The following NTM variants were observed in gnomAD, a reference collection of about 807,000 sequenced individuals.
The protein encoded by NTM is IgLON family member 2.
In NTM, 13 loss-of-function variants were observed where a neutral mutation model predicts 42.1. The observed-to-expected ratio is 0.31, with a 90% CI of 0.20 to 0.49. The LOEUF is 0.49. Ranked by LOEUF, NTM falls within the 20% of genes least tolerant of loss-of-function variation. The pLI is 0.99. For missense variants in NTM, 373 were observed against 452.8 expected (o/e 0.82, Z 1.60); for synonymous variants, 187 against 179.2 (o/e 1.04, Z -0.35).
intron 1 of NTM, among the ~76,000 whole-genome samples, chr11:131,413,276 G>A (rs1487493413): frequency 1.3e-5 from 2 of 152,212 alleles, no homozygotes; most frequent in Non-Finnish European, 2.9e-5. Flanking sequence ...AAATATTTAT[G>A]TATTGAAAGC....
intron 2 of NTM, among the ~76,000 whole-genome samples, chr11:132,046,713 T>G (rs1239233332): frequency 6.6e-6 from 1 of 152,158 alleles, no homozygotes; most frequent in East Asian, 1.9e-4. Flanking sequence ...GGGCAGCATG[T>G]AGGATGGATA....
intron 7 of NTM, among the ~76,000 whole-genome samples, chr11:132,319,674 T>G (rs962670613): frequency 6.6e-6 from 1 of 152,274 alleles, no homozygotes; most frequent in African/African-American, 2.4e-5. Flanking sequence ...TGCCTGCCTC[T>G]GTAGGCTCCA....
intron 2 of NTM, among the ~76,000 whole-genome samples, chr11:131,975,477 C>T (rs890702231): frequency 1.3e-5 from 2 of 151,934 alleles, no homozygotes; most frequent in Non-Finnish European, 2.9e-5. Context: ...TGCGCCTGGC[C>T]GAATCTTGCC....
intron 1 of NTM, among the ~76,000 whole-genome samples, chr11:131,400,582 C>T (rs929835102): frequency 1.3e-5 from 2 of 152,102 alleles, no homozygotes; most frequent in African/African-American, 4.8e-5. Context: ...TAATTAAAGT[C>T]CAGAATAGAT....
chr11:131,704,781 C>T (rs78760500), intron 1 of NTM, among the ~76,000 whole-genome samples: 2,701 of 152,076 alleles, frequency 0.018, 75 homozygotes, highest in African/African-American at 0.06. Context: ...AAAAAGAAAC[C>T]ATTTTAAAAA....
At chr11:132,239,518 T>C (rs897741291) in intron 4 of NTM, among the ~76,000 whole-genome samples, 1 of 152,220 alleles carries the variant, frequency 6.6e-6, no homozygotes, top group Non-Finnish European at 1.5e-5. Context: ...ACCATGTTCA[T>C]CTGCCCAAGC....
chr11:132,215,535 C>A (rs945729724), intron 4 of NTM, among the ~76,000 whole-genome samples: 2 of 152,112 alleles, frequency 1.3e-5, no homozygotes, highest in African/African-American at 4.8e-5. Context: ...TTAGGAGTGA[C>A]CATCAGGTGG....
chr11:131,564,932 T>C (rs1031398600), intron 1 of NTM, among the ~76,000 whole-genome samples: 11 of 152,326 alleles, frequency 7.2e-5, no homozygotes, highest in Middle Eastern at 3.4e-3. Flanking sequence ...TGCCCATGTG[T>C]GCACTGCCCA....
intron 1 of NTM, among the ~76,000 whole-genome samples, chr11:131,401,824 A>ATATATATGTG (rs1555101769): frequency 1.6e-4 from 10 of 64,118 alleles, no homozygotes; most frequent in African/African-American, 3.5e-4. Context: ...ATATATATAT[A>ATATATATGTG]TATATATATA....
At chr11:131,652,239 G>A (rs1236121630) in intron 1 of NTM, among the ~76,000 whole-genome samples, 1 of 152,214 alleles carries the variant, frequency 6.6e-6, no homozygotes, top group Non-Finnish European at 1.5e-5. Context: ...CTATACACAT[G>A]GAGCAGCACC....
intron 2 of NTM, among the ~76,000 whole-genome samples, chr11:131,958,712 G>C (rs906714160): frequency 1.3e-5 from 2 of 152,190 alleles, no homozygotes; most frequent in African/African-American, 4.8e-5. Context: ...CAAGCAACTT[G>C]ATGAGCCTCA....
chr11:131,773,067 A>G (rs946936926), intron 1 of NTM, among the ~76,000 whole-genome samples: 3 of 152,230 alleles, frequency 2.0e-5, no homozygotes, highest in African/African-American at 7.2e-5. Flanking sequence ...AATATCATAG[A>G]CTGAGTATCT....
At chr11:131,943,603 C>T (rs901891937) in intron 2 of NTM, among the ~76,000 whole-genome samples, 5 of 152,194 alleles carry the variant, frequency 3.3e-5, no homozygotes, top group East Asian at 1.9e-4. Context: ...TTCTCCGGCT[C>T]GTTTTTTCCC....
At chr11:132,327,734 G>A (rs1050053902) in intron 7 of NTM, among the ~76,000 whole-genome samples, 2 of 151,956 alleles carry the variant, frequency 1.3e-5, no homozygotes, top group Admixed American at 6.6e-5. Flanking sequence ...GGGATGGGAG[G>A]GTTCTTTTTA....
chr11:131,410,764 GC>G (rs1946315513), intron 1 of NTM, among the ~76,000 whole-genome samples: 1 of 151,958 alleles, frequency 6.6e-6, no homozygotes, highest in East Asian at 1.9e-4. Flanking sequence ...CTATTACCCT[GC>G]TTAAAACCCA....
At position 131,817,551 on chromosome 11, in the gene NTM, C is replaced by T. The variant is rs971122370; in HGVS notation, c.83-94013C>T. 2.6e-5 allele frequency among the ~76,000 whole-genome samples: 4 copies of T among 152,194 alleles called. No homozygotes were observed. The South Asian group carries it at 8.3e-4, about 31-fold the overall frequency. ...CAGCAGATTCACTGCTGCTATCATC[C>T]CTTAGCCAATGTTCATGTTTATTGG... On this transcript the variant is annotated intron_variant, in intron 1 of 8. Transcript: ENST00000683400.
intron 1 of NTM, among the ~76,000 whole-genome samples, chr11:131,466,212 A>G (rs1380489322): frequency 6.6e-6 from 1 of 152,214 alleles, no homozygotes; most frequent in African/African-American, 2.4e-5. Flanking sequence ...AGAAAACAGC[A>G]AAGAGGAGTG....
intron 1 of NTM, among the ~76,000 whole-genome samples, chr11:131,743,499 C>G (rs1170766031): frequency 1.3e-5 from 2 of 152,086 alleles, no homozygotes; most frequent in Non-Finnish European, 2.9e-5. Context: ...AGTACTCTTC[C>G]TAAAAGGAAT....
At chr11:131,380,212 CTT>C (rs34132358) in intron 1 of NTM, among the ~76,000 whole-genome samples, 2,336 of 124,546 alleles carry the variant, frequency 0.019, 56 homozygotes, top group African/African-American at 0.068. Context: ...TCCTTTGAGT[CTT>C]TTTTTTTTTT....
Sources: allele counts gnomAD v4.1 joint callset (sites outside exome capture counted in the v4.1 genomes callset), GRCh38; gene constraint gnomAD v4.1.1; transcripts MANE v1.5; gene names NCBI Gene and HGNC (gene_info 2026-07-23, HGNC 2026-07-21).